The following PTPRN variants were observed in gnomAD, a reference collection of about 807,000 sequenced individuals.
PTPRN encodes protein tyrosine phosphatase receptor type N, also known as receptor-type tyrosine-protein phosphatase-like N.
Under a neutral mutation model 108.5 loss-of-function variants are expected in PTPRN, and 70 were observed. That is an observed-to-expected ratio of 0.65 (90% CI 0.53 to 0.79). The LOEUF is 0.79. Ranked by LOEUF, PTPRN falls within the 30% of genes least tolerant of loss-of-function variation. PTPRN has a pLI of 0.00. For missense variants in PTPRN, 1,136 were observed against 1,295.5 expected, an observed-to-expected ratio of 0.88 and a Z score of 1.89; for synonymous variants, 496 against 524.6, an observed-to-expected ratio of 0.95 and a Z score of 0.75.
In PTPRN at chr2:219,290,416, CT is replaced by C; in HGVS notation, c.2869-120del. On this transcript the variant is annotated intron_variant, in intron 22 of 22. Transcript: ENST00000295718. This position sits in a 1 kb window ranked among gnomAD's most constrained non-coding sequence, Gnocchi z 4.2. ...CAGGTCCCCTGGGAGGAAGGGAGCC[CT>C]CCTGGAGGAGGCGCAGAAGCAGGTG... The C allele has an allele frequency of 7.1e-7, 1 of 1,399,936 alleles. No homozygotes were observed. The highest frequency in any genetic ancestry group is 2.5e-5 in the East Asian group (1 of 40,206). The allele number at this position is 1,399,936 out of a possible 1,614,324, so 86.7% of individuals were successfully genotyped here. A position where few individuals can be genotyped will look rare whatever the true frequency, so the allele number is the denominator to read the frequency against.
Position 219,297,464 on chromosome 2 carries a change from A to C in PTPRN, c.1888-31T>G. The C allele has an allele frequency of 6.2e-7, 1 of 1,608,948 alleles. No homozygotes were observed. Among genetic ancestry groups the C allele is most frequent in the Non-Finnish European group, 8.5e-7 (1 of 1,175,952 alleles). On this transcript the variant is annotated intron_variant, in intron 13 of 22. Transcript: ENST00000295718. This position sits in a 1 kb window ranked among gnomAD's most constrained non-coding sequence, Gnocchi z 6.0. ...GAGGAAGAATCAGGTGAGGTCCAAG[A>C]GTCCCCTGAAACTTTTCAACAGGGC... is the stretch of plus-strand genomic sequence containing the variant.
intron 20 of PTPRN, 65 bp downstream of exon 20, chr2:219,291,405 G>C (rs1952051015): frequency 6.5e-7 from 1 of 1,537,816 alleles, no homozygotes; most frequent in Admixed American, 1.7e-5. Flanking sequence ...GGGACAGGCA[G>C]GCAATGTGCA....
In PTPRN at chr2:219,296,122, T is replaced by C; in HGVS notation, c.2508+104A>G. The stretch of plus-strand genomic sequence containing the variant: ...ATGAGCAGGGCCAATAAAAGCCTTT[T>C]TAAAAAGACTGTTGAGTGCTCATTT... On this transcript the variant is annotated intron_variant, in intron 18 of 22. Transcript: ENST00000295718. This position sits in a 1 kb window ranked among gnomAD's most constrained non-coding sequence, Gnocchi z 6.0. The C allele has an allele frequency of 6.5e-7, 1 of 1,529,742 alleles. No homozygotes were observed. 94.8% of individuals were successfully genotyped at this position (1,529,742 alleles called of 1,614,324 possible).
chr2:219,301,558 ATTGGTC>A (rs1025902285), intron 7 of PTPRN, 24 bp downstream of exon 7: 3 of 1,591,542 alleles, frequency 1.9e-6, no homozygotes, highest in Non-Finnish European at 2.6e-6. Context: ...GCCGGGAGAT[ATTGGTC>A]CCTCCCTCTG....
rs762919365 is a variant in PTPRN, at chr2:219,297,294, G to A, written c.2027C>T (p.Pro676Leu). Residue 676 changes from proline (P) to leucine (L), a missense_variant, in exon 14 of 23, where the codon CCG (proline) becomes CTG (leucine). Physicochemically the swap from Pro to Leu is moderately conservative, Grantham distance 98 (BLOSUM62 -3). Coordinates refer to ENST00000295718, the MANE Select transcript of PTPRN (RefSeq NM_002846.4). The surrounding 1 kb of genome is among the most constrained non-coding windows in gnomAD (Gnocchi z 6.0). ...TTGGGCCGGCTCCTCGCACCAGGACGGGGTGCTGCTGTGGGAGCTGGGGCT... is the reference window on the plus strand; with the variant it reads ...TTGGGCCGGCTCCTCGCACCAGGACAGGGTGCTGCTGTGGGAGCTGGGGCT... ...QASPSSHSST[P>L]SWCEEPAQAN... The A allele has an allele frequency of 3.7e-6, 6 of 1,614,054 alleles. No homozygotes were observed. The highest frequency in any genetic ancestry group is 3.3e-4 in the Middle Eastern group (2 of 6,062).
At position 219,297,391 on chromosome 2, in the gene PTPRN, G is replaced by A. The variant is rs149994110; in HGVS notation, c.1930C>T (p.Arg644Trp). The A allele has an allele frequency of 4.0e-5, 65 of 1,613,942 alleles. No individual in the cohort carries two copies. Among genetic ancestry groups the A allele is most frequent in the Admixed American group, 8.3e-5 (5 of 60,004 alleles). Reference sequence around the variant, plus strand: ...GAAGGCTCCGGTGGACCCTCTGCCCGGTTGAACAAGGACTTCGTGGCCATG... The same window carrying A: ...GAAGGCTCCGGTGGACCCTCTGCCCAGTTGAACAAGGACTTCGTGGCCATG... ...QHMATKSLFN[R>W]AEGPPEPSRV... The change falls in exon 14 of 23, where the codon CGG becomes TGG. Residue 644 changes from arginine (R) to tryptophan (W), a missense_variant. Physicochemically the swap from Arg to Trp is moderately radical, Grantham distance 101. Coordinates refer to ENST00000295718, the MANE Select transcript of PTPRN (RefSeq NM_002846.4). The surrounding 1 kb of genome is among the most constrained non-coding windows in gnomAD (Gnocchi z 6.0).
chr2:219,309,010 G>A, intron 1 of PTPRN: 1 of 1,530,914 alleles, frequency 6.5e-7, no homozygotes, highest in African/African-American at 1.4e-5. Context: ...ATTCTCTTAG[G>A]TCCCGCCCCC....
chr2:219,302,064 G>T (rs151187657), intron 6 of PTPRN, 73 bp downstream of exon 6: 2 of 1,325,322 alleles, frequency 1.5e-6, no homozygotes, highest in East Asian at 2.3e-5. Flanking sequence ...CGCATAGATT[G>T]TCAGGGAAGG....
rs1437699269 is a variant in PTPRN, at chr2:219,296,180, T to G, written c.2508+46A>C. On this transcript the variant is annotated intron_variant, in intron 18 of 22. Transcript: ENST00000295718. This position sits in a 1 kb window ranked among gnomAD's most constrained non-coding sequence, Gnocchi z 6.0. Reference sequence around the variant, plus strand: ...AAAACGTTACGAAAAGGCCATCATCTACTCTTCCCACATCCATTGTCCCCT... The same window carrying G: ...AAAACGTTACGAAAAGGCCATCATCGACTCTTCCCACATCCATTGTCCCCT... 1 of 1,605,048 alleles carries G rather than the reference T, an allele frequency of 6.2e-7. No homozygotes were observed. Among genetic ancestry groups the G allele is most frequent in the Non-Finnish European group, 8.5e-7 (1 of 1,172,254 alleles).
chr2:219,290,692 G>A lies in PTPRN; in HGVS notation c.2795-81C>T. 5 of 1,485,382 alleles carry A rather than the reference G, an allele frequency of 3.4e-6. No individual in the cohort carries two copies. In the South Asian group the frequency reaches 4.7e-5, roughly 14 times the overall value. The allele number at this position is 1,485,382 out of a possible 1,614,324, so 92.0% of individuals were successfully genotyped here. ...CCCAGAAAACCTGAGGCCTCCTGGA[G>A]GCAAAGAGCCTTGGAGGGCTGGGCA... On this transcript the variant is annotated intron_variant, in intron 21 of 22. Transcript: ENST00000295718. The surrounding 1 kb of genome is among the most constrained non-coding windows in gnomAD (Gnocchi z 4.2).
At position 219,290,148 on chromosome 2, in the gene PTPRN, G is replaced by A. The variant is rs895341293; in HGVS notation, c.*78C>T. The A allele has an allele frequency of 2.0e-5, 27 of 1,339,202 alleles. No individual in the cohort carries two copies. Among genetic ancestry groups the A allele is most frequent in the Non-Finnish European group, 2.9e-5 (27 of 933,510 alleles). The allele number at this position is 1,339,202 out of a possible 1,614,324, so 83.0% of individuals were successfully genotyped here. A position where few individuals can be genotyped will look rare whatever the true frequency, so the allele number is the denominator to read the frequency against. ...CCCAAGAGGTGGCTGGTGGGGCAGT[G>A]AGGAGTGGGTACACAGAGATGCTCA... On this transcript the variant is annotated 3_prime_UTR_variant, in exon 23 of 23. Coordinates refer to ENST00000295718, the MANE Select transcript of PTPRN (RefSeq NM_002846.4). This position sits in a 1 kb window ranked among gnomAD's most constrained non-coding sequence, Gnocchi z 4.2.
Position 219,300,197 on chromosome 2 carries a change from C to G in PTPRN, c.1224G>C (p.Met408Ile). ...TAELPARTSP[M>I]PGHPTASPTS... ...TAGGGCTGGCAGTGGGGTGTCCAGGCATGGGGGATGTGCGGGCTGGAAGCT... is the reference window on the plus strand; with the variant it reads ...TAGGGCTGGCAGTGGGGTGTCCAGGGATGGGGGATGTGCGGGCTGGAAGCT... Residue 408 changes from methionine (M) to isoleucine (I), a missense_variant, in exon 9 of 23, where the codon ATG becomes ATC. Physicochemically the swap from Met to Ile is conservative, Grantham distance 10. Transcript: ENST00000295718. 6.2e-7 allele frequency: 1 copy of G among 1,609,050 alleles called. No homozygotes were observed. Among genetic ancestry groups the G allele is most frequent in the Non-Finnish European group, 8.5e-7 (1 of 1,176,990 alleles).
chr2:219,295,275 G>T, intron 18 of PTPRN, 134 bp from the exon 19 acceptor site: 2 of 936,376 alleles, frequency 2.1e-6, no homozygotes, highest in Non-Finnish European at 3.2e-6. Context: ...CTAAGTTCCA[G>T]CGGTCCCAGG....
rs1353643775 is a variant in PTPRN, at chr2:219,290,954, G to A, written c.2730-64C>T. 1.3e-6 allele frequency: 2 copies of A among 1,535,106 alleles called. No individual in the cohort carries two copies. The highest frequency in any genetic ancestry group is 1.4e-5 in the African/African-American group (1 of 73,196). ...AGCAGAAAGGGGGAGGGACGGAGGA[G>A]GCGAGGAGGCCTGGAGGCCTGGGGG... On this transcript the variant is annotated intron_variant, in intron 20 of 22. Transcript: ENST00000295718. The surrounding 1 kb of genome is among the most constrained non-coding windows in gnomAD (Gnocchi z 4.2).
chr2:219,294,801 C>T (rs972480290), intron 19 of PTPRN, among the ~76,000 whole-genome samples, 174 bp downstream of exon 19: 4 of 152,030 alleles, frequency 2.6e-5, no homozygotes, highest in Non-Finnish European at 5.9e-5. Context: ...GGGAAGGGCA[C>T]AGCCGGAGCC....
intron 20 of PTPRN, 54 bp downstream of exon 20, chr2:219,291,416 C>G: frequency 6.4e-7 from 1 of 1,566,220 alleles, no homozygotes; most frequent in Non-Finnish European, 8.8e-7. Flanking sequence ...GCAATGTGCA[C>G]AGGAGACGCA....
At chr2:219,291,167 C>T (rs950235399) in intron 20 of PTPRN, among the ~76,000 whole-genome samples, 2 of 152,130 alleles carry the variant, frequency 1.3e-5, no homozygotes, top group African/African-American at 4.8e-5. Flanking sequence ...GAAGCAGAGG[C>T]AGCAGGAGGG....
At chr2:219,299,225 C>T in intron 11 of PTPRN, 80 bp downstream of exon 11, 2 of 1,596,540 alleles carry the variant, frequency 1.3e-6, no homozygotes, top group Non-Finnish European at 1.7e-6. Flanking sequence ...TTCAAGGGGG[C>T]ATCAGCAACA....
At chr2:219,301,004 G>C (rs1351409890) in intron 7 of PTPRN, 27 bp from the exon 8 acceptor site, 29 of 1,613,104 alleles carry the variant, frequency 1.8e-5, no homozygotes, top group Non-Finnish European at 2.2e-5. Context: ...ACAAGAGTCT[G>C]GAAAAATGGC....
Sources: allele counts gnomAD v4.1 joint callset (sites outside exome capture counted in the v4.1 genomes callset), GRCh38; gene constraint gnomAD v4.1.1; non-coding constraint Gnocchi (gnomAD v3.1); transcripts MANE v1.5; gene names NCBI Gene and HGNC (gene_info 2026-07-23, HGNC 2026-07-21).